Variants in DAB1 observed in about 807,000 individuals in gnomAD.
DAB1 encodes the protein DAB adaptor protein 1, also known as disabled homolog 1.
Under a neutral mutation model 64.6 loss-of-function variants are expected in DAB1, and 15 were observed. The observed-to-expected ratio is 0.23, with a 90% CI of 0.16 to 0.36. The LOEUF is 0.36. Ranked by LOEUF, DAB1 falls within the 10% of genes least tolerant of loss-of-function variation. DAB1 has a pLI of 1.00. For missense variants in DAB1, 596 were observed against 706.7 expected, an observed-to-expected ratio of 0.84 and a Z score of 1.78; for synonymous variants, 235 against 251.9, an observed-to-expected ratio of 0.93 and a Z score of 0.64.
At chr1:57,558,937 G>A (rs899703324) in intron 7 of DAB1, among the ~76,000 whole-genome samples, 1 of 152,174 alleles carries the variant, frequency 6.6e-6, no homozygotes, top group Non-Finnish European at 1.5e-5. Context: ...ATTTGTGTCA[G>A]CAGCACCTGG....
chr1:57,533,254 A>T (rs901968447), intron 7 of DAB1, among the ~76,000 whole-genome samples: 3 of 151,948 alleles, frequency 2.0e-5, no homozygotes, highest in Non-Finnish European at 4.4e-5. Flanking sequence ...ATATTTCAGA[A>T]ATCAGATTTC....
chr1:57,159,689 T>C (rs930557917), intron 2 of DAB1, among the ~76,000 whole-genome samples: 1 of 151,942 alleles, frequency 6.6e-6, no homozygotes, highest in Non-Finnish European at 1.5e-5. Flanking sequence ...TCTTAGAACA[T>C]TGGAAAACCA....
At chr1:58,463,095 G>A (rs757669533) in intron 3 of DAB1, among the ~76,000 whole-genome samples, 12 of 152,216 alleles carry the variant, frequency 7.9e-5, no homozygotes, top group Non-Finnish European at 8.8e-5. Context: ...TCTCACATAC[G>A]AAACAAGTCT....
intron 7 of DAB1, among the ~76,000 whole-genome samples, chr1:57,431,400 T>C (rs1288414851): frequency 6.6e-6 from 1 of 152,238 alleles, no homozygotes. Flanking sequence ...ACTTCTCTTG[T>C]ATGCCTTGGA....
chr1:57,001,397 G>A (rs912709608), intron 14 of DAB1, among the ~76,000 whole-genome samples: 10 of 152,102 alleles, frequency 6.6e-5, no homozygotes, highest in African/African-American at 2.2e-4. Context: ...AAGCACCTTC[G>A]CCGGGCACAC....
At chr1:57,208,490 A>G (rs1393505709) in intron 2 of DAB1, among the ~76,000 whole-genome samples, 2 of 152,120 alleles carry the variant, frequency 1.3e-5, no homozygotes, top group African/African-American at 4.8e-5. Context: ...CTTTCAGACC[A>G]CCTCACCTGG....
intron 7 of DAB1, among the ~76,000 whole-genome samples, chr1:57,524,539 G>C (rs1463760171): frequency 6.6e-6 from 1 of 152,122 alleles, no homozygotes; most frequent in Non-Finnish European, 1.5e-5. Flanking sequence ...ACAGGTTTTG[G>C]GATAGGCGAT....
chr1:57,937,663 A>G (rs969193561), intron 5 of DAB1, among the ~76,000 whole-genome samples: 3 of 152,210 alleles, frequency 2.0e-5, no homozygotes, highest in East Asian at 3.9e-4. Flanking sequence ...TGGGCAAAAT[A>G]GCATCCCCAA....
chr1:58,000,220 T>C (rs536693168), intron 5 of DAB1, among the ~76,000 whole-genome samples: 1 of 152,322 alleles, frequency 6.6e-6, no homozygotes, highest in South Asian at 2.1e-4. Flanking sequence ...CTTCAGTGTA[T>C]CATACTTAGT....
chr1:58,242,862 A>T (rs1002885474), intron 4 of DAB1, among the ~76,000 whole-genome samples: 1 of 152,112 alleles, frequency 6.6e-6, no homozygotes, highest in African/African-American at 2.4e-5. Flanking sequence ...ATTAACCCTG[A>T]AACAGTTCGC....
At chr1:58,409,972 G>A (rs338905) in intron 3 of DAB1, among the ~76,000 whole-genome samples, 23,466 of 152,124 alleles carry the variant, frequency 0.15, 2,299 homozygotes, top group Middle Eastern at 0.22. Flanking sequence ...TCCCATAGCC[G>A]GCTTGAGAAC....
intron 4 of DAB1, among the ~76,000 whole-genome samples, chr1:57,114,321 T>C (rs373255012): frequency 1.3e-5 from 2 of 152,254 alleles, no homozygotes; most frequent in East Asian, 3.8e-4. Flanking sequence ...TGCTATTTTC[T>C]TCTTTGCTGT....
At chr1:57,990,443 T>G (rs1646315744) in intron 5 of DAB1, among the ~76,000 whole-genome samples, 1 of 152,224 alleles carries the variant, frequency 6.6e-6, no homozygotes, top group African/African-American at 2.4e-5. Context: ...CCCTTCCCAA[T>G]TTAACTTTAA....
intron 7 of DAB1, among the ~76,000 whole-genome samples, chr1:57,632,736 T>G (rs544041449): frequency 4.6e-5 from 7 of 152,088 alleles, no homozygotes; most frequent in Non-Finnish European, 1.0e-4. Context: ...AAAATAGCAA[T>G]GTAAGTGTGT....
At chr1:58,527,973 C>A (rs1030348903) in intron 1 of DAB1, among the ~76,000 whole-genome samples, 3 of 152,160 alleles carry the variant, frequency 2.0e-5, no homozygotes, top group Admixed American at 6.5e-5. Flanking sequence ...TCAGTAAGTA[C>A]TAAAACTTTG....
At chr1:57,279,125 A>G (rs1185665149) in intron 2 of DAB1, among the ~76,000 whole-genome samples, 2 of 152,202 alleles carry the variant, frequency 1.3e-5, no homozygotes, top group African/African-American at 4.8e-5. Flanking sequence ...GCTTGCTCCA[A>G]ATTAAGAGAT....
chr1:58,443,632 CAAAGGGTAGGTGA>C (rs1645036172), intron 3 of DAB1, among the ~76,000 whole-genome samples: 1 of 152,168 alleles, frequency 6.6e-6, no homozygotes, highest in Non-Finnish European at 1.5e-5. Flanking sequence ...GAAAGTCAGG[CAAAGGGTAGGTGA>C]GAACTCTCTG....
chr1:58,497,886 T>A (rs1335925445), intron 3 of DAB1, among the ~76,000 whole-genome samples: 1 of 152,190 alleles, frequency 6.6e-6, no homozygotes, highest in East Asian at 1.9e-4. Flanking sequence ...CAAAGCCACC[T>A]CTTGGAGAAT....
chr1:57,937,405 T>C (rs1268622229), intron 5 of DAB1, among the ~76,000 whole-genome samples: 1 of 152,074 alleles, frequency 6.6e-6, no homozygotes, highest in African/African-American at 2.4e-5. Flanking sequence ...ACTATGCTCA[T>C]GAGAGAAGGC....
Sources: allele counts gnomAD v4.1 joint callset (sites outside exome capture counted in the v4.1 genomes callset), GRCh38; gene constraint gnomAD v4.1.1; transcripts MANE v1.5; gene names NCBI Gene and HGNC (gene_info 2026-07-23, HGNC 2026-07-21).